SV2B: variants seen among roughly 807,000 people sequenced by gnomAD.
The protein encoded by SV2B is synaptic vesicle glycoprotein 2B.
A neutral mutation model predicts 73.9 loss-of-function variants in SV2B; 41 were observed. The observed-to-expected ratio is 0.56, with a 90% CI of 0.43 to 0.72. The LOEUF is 0.72. Among genes scored for constraint, SV2B ranks in the 30% least tolerant of loss-of-function variants. SV2B has a pLI of 0.00. For synonymous variants in SV2B, 314 were observed against 314.2 expected, an observed-to-expected ratio of 1.00 and a Z score of 0.01; for missense variants, 764 against 857.8, an observed-to-expected ratio of 0.89 and a Z score of 1.37.
intron 2 of SV2B, among the ~76,000 whole-genome samples, chr15:91,233,817 T>C (rs2046676256): frequency 6.6e-6 from 1 of 152,194 alleles, no homozygotes; most frequent in African/African-American, 2.4e-5. Context: ...TCTTTGCTTC[T>C]AGACCTGTAA....
At position 91,252,885 on chromosome 15, in the gene SV2B, C is replaced by T. The variant is rs1195066106; in HGVS notation, c.784+365C>T. ...TTTGGTAACCTGATTTAATAGATGA[C>T]AGGTATGTGACAAAAGCCAAGAGAA... On this transcript the variant is annotated intron_variant, in intron 4 of 12. Coordinates refer to ENST00000394232, the MANE Select transcript of SV2B (RefSeq NM_001323032.3). This position sits in a 1 kb window ranked among gnomAD's most constrained non-coding sequence, Gnocchi z 4.6. 6.6e-6 allele frequency among the ~76,000 whole-genome samples: 1 copy of T among 152,086 alleles called. No homozygotes were observed. The highest frequency in any genetic ancestry group is 1.9e-4 in the East Asian group (1 of 5,182).
chr15:91,238,046 T>C (rs2046859568), intron 2 of SV2B, among the ~76,000 whole-genome samples: 1 of 152,252 alleles, frequency 6.6e-6, no homozygotes, highest in Non-Finnish European at 1.5e-5. Context: ...TTGCCACTCA[T>C]TGTTACTGTG....
At chr15:91,158,693 TCTCTTCTCTCCTCTCCTCTC>T (rs2043589533) in intron 1 of SV2B, among the ~76,000 whole-genome samples, 1 of 38,436 alleles carries the variant, frequency 2.6e-5, no homozygotes, top group African/African-American at 1.2e-4. Context: ...TCTCTTCTCT[TCTCTTCTCTCCTCTCCTCTC>T]CTCTCCTCTC....
rs544653120 is a variant in SV2B, at chr15:91,141,811, G to A, written c.-392+41448G>A. 8.6e-5 allele frequency among the ~76,000 whole-genome samples: 13 copies of A among 151,470 alleles called. No individual in the cohort carries two copies. Among genetic ancestry groups the A allele is most frequent in the African/African-American group, 3.1e-4 (13 of 41,306 alleles). On this transcript the variant is annotated intron_variant, in intron 1 of 12. Coordinates refer to ENST00000394232, the MANE Select transcript of SV2B (RefSeq NM_001323032.3). This position sits in a 1 kb window ranked among gnomAD's most constrained non-coding sequence, Gnocchi z 4.6. ...TTTCTGCTAATGGATATTACAGAAA[G>A]TTACATTCAGAGAGTTAGATGCTGT...
At chr15:91,207,321 T>A (rs911426040) in intron 1 of SV2B, among the ~76,000 whole-genome samples, 8 of 151,806 alleles carry the variant, frequency 5.3e-5, no homozygotes, top group Non-Finnish European at 4.4e-5. Flanking sequence ...CTGTGCCTGG[T>A]CTTAAAACAA....
Position 91,252,382 on chromosome 15 carries a change from C to G in SV2B, c.646C>G (p.Leu216Val), listed in dbSNP as rs1425750662. 2 of 1,611,792 alleles carry G rather than the reference C, an allele frequency of 1.2e-6. No homozygotes were observed. The highest frequency in any genetic ancestry group is 1.3e-5 in the African/African-American group (1 of 74,798). ...LISGIGIGGALPIVFAYFSEF... is the reference protein window; with the variant it reads ...LISGIGIGGAVPIVFAYFSEF... ...TTTCCTTTGCAGTATTGGGGGTGCT[C>G]TACCGATTGTTTTTGCCTATTTTTC... Residue 216 changes from leucine to valine, a missense_variant, in exon 4 of 13, where the codon CTA becomes GTA. Transcript: ENST00000394232. The surrounding 1 kb of genome is among the most constrained non-coding windows in gnomAD (Gnocchi z 4.6).
intron 1 of SV2B, among the ~76,000 whole-genome samples, chr15:91,189,777 A>C (rs1176097406): frequency 6.6e-6 from 1 of 152,236 alleles, no homozygotes; most frequent in African/African-American, 2.4e-5. Context: ...TCACGAGGTC[A>C]GGAGATCGAG....
In SV2B at chr15:91,258,664, G is replaced by T; in HGVS notation, c.918+110G>T. On this transcript the variant is annotated intron_variant, in intron 5 of 12. Transcript: ENST00000394232. The surrounding 1 kb of genome is among the most constrained non-coding windows in gnomAD (Gnocchi z 4.7). ...CCACATCCTCTGCTGCTTATGTGTT[G>T]CAAACTCTCCCCTGGTCGGCTGACC... 6.7e-7 allele frequency: 1 copy of T among 1,499,498 alleles called. No homozygotes were observed. Among genetic ancestry groups the T allele is most frequent in the Non-Finnish European group, 9.0e-7 (1 of 1,113,402 alleles). The allele number at this position is 1,499,498 out of a possible 1,614,324, so 92.9% of individuals were successfully genotyped here.
At chr15:91,271,057 GGCA>G (rs1567418393) in intron 9 of SV2B, among the ~76,000 whole-genome samples, 20 of 141,490 alleles carry the variant, frequency 1.4e-4, no homozygotes, top group African/African-American at 4.2e-4. Context: ...GTGGATGATG[GGCA>G]GACGGTAAGT....
At chr15:91,259,163 G>C (rs981941685) in intron 5 of SV2B, among the ~76,000 whole-genome samples, 1 of 152,036 alleles carries the variant, frequency 6.6e-6, no homozygotes, top group Non-Finnish European at 1.5e-5. Flanking sequence ...CTGGTTTTCC[G>C]TGTTTGGCAC....
intron 1 of SV2B, among the ~76,000 whole-genome samples, chr15:91,108,845 C>G (rs1445129816): frequency 6.6e-6 from 1 of 152,218 alleles, no homozygotes; most frequent in East Asian, 1.9e-4. Flanking sequence ...GACTTAGCAA[C>G]AAAGACCCAC....
chr15:91,150,667 G>A (rs2043287989), intron 1 of SV2B, among the ~76,000 whole-genome samples: 1 of 152,198 alleles, frequency 6.6e-6, no homozygotes, highest in Non-Finnish European at 1.5e-5. Context: ...AAGCAGATGG[G>A]TGGGCACAAA....
In SV2B at chr15:91,122,096, C is replaced by CTT. The variant is rs1448207596; in HGVS notation, c.-392+21734_-392+21735dup. 3.3e-5 allele frequency among the ~76,000 whole-genome samples: 5 copies of CTT among 152,152 alleles called. No individual in the cohort carries two copies. The highest frequency in any genetic ancestry group is 7.4e-5 in the Non-Finnish European group (5 of 68,010). On this transcript the variant is annotated intron_variant, in intron 1 of 12. Transcript: ENST00000394232. The surrounding 1 kb of genome is among the most constrained non-coding windows in gnomAD (Gnocchi z 4.3). ...GCCCAATGGTGTTTTAAAAGTAATG[C>CTT]TTGCCTGTTGACTCCAGGAGTCTGA...
chr15:91,260,147 G>A (rs1478263741), intron 5 of SV2B, among the ~76,000 whole-genome samples, 173 bp from the exon 6 acceptor site: 1 of 152,136 alleles, frequency 6.6e-6, no homozygotes, highest in Non-Finnish European at 1.5e-5. Flanking sequence ...ATGGAAGCTT[G>A]TCCTGGTCTT....
chr15:91,273,810 C>T (rs1567421390), intron 9 of SV2B, among the ~76,000 whole-genome samples: 1 of 152,166 alleles, frequency 6.6e-6, no homozygotes, highest in East Asian at 1.9e-4. Context: ...TCTTCTCCCT[C>T]GCCGGAGGTC....
intron 1 of SV2B, among the ~76,000 whole-genome samples, chr15:91,109,457 T>C (rs1365476244): frequency 6.6e-6 from 1 of 152,252 alleles, no homozygotes; most frequent in Non-Finnish European, 1.5e-5. Context: ...TGATTTACAA[T>C]TCTGTTTTCA....
chr15:91,149,135 T>C (rs2043232774), intron 1 of SV2B, among the ~76,000 whole-genome samples: 1 of 152,248 alleles, frequency 6.6e-6, no homozygotes, highest in Non-Finnish European at 1.5e-5. Flanking sequence ...ATCTCACTTT[T>C]ACCAATCATT....
In SV2B at chr15:91,261,090, A is replaced by G. The variant is rs190176147; in HGVS notation, c.1008+681A>G. Among the ~76,000 whole-genome samples the G allele has an allele frequency of 8.3e-4, 126 of 152,212 alleles. No individual in the cohort carries two copies. The highest frequency in any genetic ancestry group is 3.6e-3 in the Admixed American group (55 of 15,292). The stretch of plus-strand genomic sequence containing the variant: ...AGCCTGGCCAACATGGCAAAACCCC[A>G]TGTCTACTAAAAATACAAAAAAATC... On this transcript the variant is annotated intron_variant, in intron 6 of 12. Coordinates refer to ENST00000394232, the MANE Select transcript of SV2B (RefSeq NM_001323032.3). The surrounding 1 kb of genome is among the most constrained non-coding windows in gnomAD (Gnocchi z 4.7).
rs2049154350 is a variant in SV2B at position 91,294,532 on chromosome 15, A to G, written c.*1980A>G. The G allele has an allele frequency of 6.6e-6, 1 of 152,196 alleles. No individual in the cohort carries two copies. Among genetic ancestry groups the G allele is most frequent in the African/African-American group, 2.4e-5 (1 of 41,442 alleles). 9.4% of individuals were successfully genotyped at this position (152,196 alleles called of 1,614,324 possible). Reference sequence around the variant, plus strand: ...ACATTTATTGCTCTGTCAATAATGAAAGGCTCGATGTAATATAGCTGTAAT... The same window carrying G: ...ACATTTATTGCTCTGTCAATAATGAGAGGCTCGATGTAATATAGCTGTAAT... On this transcript the variant is annotated 3_prime_UTR_variant, in exon 13 of 13. Transcript: ENST00000394232. This position sits in a 1 kb window ranked among gnomAD's most constrained non-coding sequence, Gnocchi z 4.1.
Sources: gnomAD v4.1 joint callset for allele counts (sites outside exome capture counted in the v4.1 genomes callset) on GRCh38, gnomAD v4.1.1 for gene constraint, Gnocchi (gnomAD v3.1) non-coding constraint, MANE v1.5 for transcripts, NCBI Gene and HGNC (gene_info 2026-07-23, HGNC 2026-07-21) for gene names.